Variants in AMBRA1 observed in about 807,000 individuals in gnomAD.
The protein encoded by AMBRA1 is activating molecule in BECN1-regulated autophagy protein 1.
A neutral mutation model predicts 125.4 loss-of-function variants in AMBRA1; 47 were observed. That is an observed-to-expected ratio of 0.37 (90% confidence interval 0.30 to 0.48). The LOEUF (loss-of-function observed/expected upper bound fraction) is 0.48. AMBRA1 is among the 20% of genes least tolerant of loss of function. The pLI, the probability that AMBRA1 is intolerant of heterozygous loss-of-function variation, is 0.99. For synonymous variants in AMBRA1, 626 were observed against 655.5 expected, an observed-to-expected ratio of 0.95 and a Z score of 0.69; for missense variants, 1,331 against 1,693.4, an observed-to-expected ratio of 0.79 and a Z score of 3.76.
chr11:46,443,241 T>TA (rs1948107286), intron 12 of AMBRA1, among the ~76,000 whole-genome samples: 1 of 152,166 alleles, frequency 6.6e-6, no homozygotes, highest in African/African-American at 2.4e-5. Flanking sequence ...GTGACCCTTT[T>TA]AGGAAAGACT....
intron 9 of AMBRA1, chr11:46,495,342 G>A (rs903869024): frequency 3.3e-5 from 5 of 152,180 alleles, no homozygotes; most frequent in Non-Finnish European, 7.3e-5. Flanking sequence ...GGCAACACTT[G>A]GCTTTTAAGT....
chr11:46,423,877 A>C (rs10742779), intron 14 of AMBRA1, among the ~76,000 whole-genome samples: 149,278 of 151,080 alleles, frequency 0.99, 73,777 homozygotes, highest in East Asian at 1. Flanking sequence ...GATTCTCCTG[A>C]CTCAGCCTCC....
At chr11:46,575,858 T>C (rs2043945106) in intron 1 of AMBRA1, among the ~76,000 whole-genome samples, 1 of 152,320 alleles carries the variant, frequency 6.6e-6, no homozygotes, top group South Asian at 2.1e-4. Context: ...AATACATCTA[T>C]GTCATGTGCA....
chr11:46,481,260 A>G (rs1444367093), intron 11 of AMBRA1, among the ~76,000 whole-genome samples: 1 of 152,204 alleles, frequency 6.6e-6, no homozygotes, highest in Non-Finnish European at 1.5e-5. Flanking sequence ...AATTACCACT[A>G]CACAATTCAT....
At chr11:46,581,661 G>A (rs185961781) in intron 1 of AMBRA1, among the ~76,000 whole-genome samples, 2 of 151,922 alleles carry the variant, frequency 1.3e-5, no homozygotes, top group Admixed American at 1.3e-4. Context: ...TTACCCACAT[G>A]TGGTGGCACG....
intron 7 of AMBRA1, among the ~76,000 whole-genome samples, chr11:46,515,796 C>T (rs1951453376): frequency 6.6e-6 from 1 of 152,160 alleles, no homozygotes; most frequent in Non-Finnish European, 1.5e-5. Context: ...CTGCCTCAGC[C>T]TCCTGAGTAG....
At chr11:46,583,373 C>T (rs1437096943) in intron 1 of AMBRA1, among the ~76,000 whole-genome samples, 2 of 151,454 alleles carry the variant, frequency 1.3e-5, no homozygotes, top group East Asian at 1.9e-4. Flanking sequence ...AAGACTTAAA[C>T]GTTAGACCTA....
intron 7 of AMBRA1, among the ~76,000 whole-genome samples, chr11:46,523,478 T>A (rs1951841883): frequency 6.6e-6 from 1 of 152,226 alleles, no homozygotes; most frequent in Non-Finnish European, 1.5e-5. Flanking sequence ...CTCCAGCATG[T>A]CAATCAATAC....
At chr11:46,569,440 A>AAAAATATATATATATAT (rs1477022124) in intron 1 of AMBRA1, among the ~76,000 whole-genome samples, 2 of 131,386 alleles carry the variant, frequency 1.5e-5, no homozygotes, top group African/African-American at 5.9e-5. Flanking sequence ...AAAAAAAAAA[A>AAAAATATATATATATAT]ATATATATAT....
intron 14 of AMBRA1, among the ~76,000 whole-genome samples, chr11:46,419,528 A>G (rs544622960): frequency 6.2e-4 from 94 of 152,348 alleles, no homozygotes; most frequent in Middle Eastern, 3.4e-3. Context: ...TGCAACCAGG[A>G]ACCTGTATCT....
At chr11:46,450,289 C>T (rs925431765) in intron 11 of AMBRA1, among the ~76,000 whole-genome samples, 4 of 152,038 alleles carry the variant, frequency 2.6e-5, no homozygotes, top group African/African-American at 9.7e-5. Context: ...GTGCATGTTA[C>T]TAAATGAAAG....
At chr11:46,529,791 A>G (rs1952132792) in intron 7 of AMBRA1, among the ~76,000 whole-genome samples, 1 of 152,212 alleles carries the variant, frequency 6.6e-6, no homozygotes, top group Non-Finnish European at 1.5e-5. Context: ...GCAAACAAAC[A>G]TACTTGAGGA....
chr11:46,588,775 CAAAAAAA>C (rs201030293), intron 1 of AMBRA1, among the ~76,000 whole-genome samples: 1 of 97,984 alleles, frequency 1.0e-5, no homozygotes, highest in African/African-American at 3.4e-5. Flanking sequence ...AACTCCATCT[CAAAAAAA>C]AAAAAAAAAA....
chr11:46,468,814 CAAAAAAA>C (rs11337927), intron 11 of AMBRA1, among the ~76,000 whole-genome samples: 3 of 104,554 alleles, frequency 2.9e-5, no homozygotes, highest in Non-Finnish European at 5.9e-5. Flanking sequence ...GGCTCCGTCT[CAAAAAAA>C]AAAAAAAGAA....
intron 1 of AMBRA1, among the ~76,000 whole-genome samples, chr11:46,579,027 A>G (rs2044073526): frequency 6.7e-6 from 1 of 149,316 alleles, no homozygotes; most frequent in Non-Finnish European, 1.5e-5. Context: ...TATAGCAACA[A>G]TGACCACAAG....
At chr11:46,521,883 A>G (rs1399615500) in intron 7 of AMBRA1, among the ~76,000 whole-genome samples, 1 of 152,182 alleles carries the variant, frequency 6.6e-6, no homozygotes, top group Non-Finnish European at 1.5e-5. Flanking sequence ...ACAAAAAGAC[A>G]CCACAGTGCC....
In AMBRA1 at chr11:46,397,667, C is replaced by A. The variant is rs1320806295; in HGVS notation, c.3680G>T (p.Ser1227Ile). Residue 1227 changes from serine to isoleucine, a missense_variant, in exon 18 of 18, where the codon AGC becomes ATC. By Grantham distance (142) the Ser-to-Ile change is moderately radical (BLOSUM62 -2). Around this residue, in one of 4 missense-constraint regions of AMBRA1, gnomAD observed 144 missense variants for 133.9 expected, o/e 1.08. Coordinates refer to ENST00000683756, the MANE Select transcript of AMBRA1 (RefSeq NM_001387011.1). ...CTGGTCCCAGGAAGCTGTCCGGGGG[C>A]TTAGGCCTCGCTCTGCCAGTTGCCC... ...EAGQLAERGL[S>I]PRTASWDQPG... 6.2e-7 allele frequency: 1 copy of A among 1,613,220 alleles called. No homozygotes were observed. Among genetic ancestry groups the A allele is most frequent in the East Asian group, 2.2e-5 (1 of 44,878 alleles).
At chr11:46,574,791 T>A (rs2043894881) in intron 1 of AMBRA1, among the ~76,000 whole-genome samples, 1 of 152,220 alleles carries the variant, frequency 6.6e-6, no homozygotes, top group South Asian at 2.1e-4. Flanking sequence ...GCTTTCTCCA[T>A]CTCAGCTCTA....
chr11:46,497,097 C>A (rs1368519101), intron 9 of AMBRA1, among the ~76,000 whole-genome samples: 1 of 150,630 alleles, frequency 6.6e-6, no homozygotes, highest in Non-Finnish European at 1.5e-5. Context: ...GGTGACAGGG[C>A]AAGACTCTGT....
Sources: allele counts gnomAD v4.1 joint callset (sites outside exome capture counted in the v4.1 genomes callset), GRCh38; gene constraint gnomAD v4.1.1; regional missense constraint gnomAD v4.1.1; transcripts MANE v1.5; gene names NCBI Gene and HGNC (gene_info 2026-07-23, HGNC 2026-07-21).